Variants in LONP2 observed in about 807,000 individuals in gnomAD.
LONP2 encodes the protein lon protease homolog 2, peroxisomal.
In LONP2, 60 loss-of-function variants were observed where a neutral mutation model predicts 85.6. The ratio of observed to expected loss-of-function variants is 0.70; its 90% CI spans 0.57 to 0.87. LONP2 has a LOEUF of 0.87. Among genes scored for constraint, LONP2 ranks in the 40% least tolerant of loss-of-function variants. The pLI is 0.00. For synonymous variants in LONP2, 395 were observed against 389.7 expected (o/e 1.01, Z -0.16); for missense variants, 860 against 1,063.5 (o/e 0.81, Z 2.66).
At chr16:48,298,767 T>G (rs1972734096) in intron 9 of LONP2, among the ~76,000 whole-genome samples, 1 of 152,108 alleles carries the variant, frequency 6.6e-6, no homozygotes, top group Non-Finnish European at 1.5e-5. Context: ...TCTCTAAGAT[T>G]TGAGGTGTTT....
intron 9 of LONP2, among the ~76,000 whole-genome samples, chr16:48,298,978 C>A (rs938801066): frequency 1.3e-5 from 2 of 151,620 alleles, no homozygotes; most frequent in African/African-American, 4.9e-5. Context: ...GCAACCTCCA[C>A]CTCCCCAGCT....
intron 4 of LONP2, among the ~76,000 whole-genome samples, chr16:48,260,274 T>A (rs1756066566): frequency 6.6e-6 from 1 of 152,200 alleles, no homozygotes; most frequent in Non-Finnish European, 1.5e-5. Context: ...TATTTGAATG[T>A]ATTAAATAGA....
At chr16:48,329,845 A>G (rs1382588601) in intron 11 of LONP2, among the ~76,000 whole-genome samples, 1 of 152,234 alleles carries the variant, frequency 6.6e-6, no homozygotes, top group Non-Finnish European at 1.5e-5. Flanking sequence ...GGTTTACTTA[A>G]CCATGTTCCT....
Position 48,299,751 on chromosome 16 carries a change from C to G in LONP2, c.1624C>G (p.Gln542Glu). The G allele has an allele frequency of 6.2e-7, 1 of 1,614,022 alleles. No individual in the cohort carries two copies. ...EQHGLTPQQI[Q>E]IPQVTTLDII... Reference sequence around the variant, plus strand: ...ACATGGGCTGACTCCACAGCAGATTCAGATACCCCAGGTCACCACTCTTGA... The same window carrying G: ...ACATGGGCTGACTCCACAGCAGATTGAGATACCCCAGGTCACCACTCTTGA... Residue 542 changes from glutamine to glutamate, a missense_variant, in exon 10 of 15, where the codon CAG becomes GAG. Around this residue, in one of 3 missense-constraint regions of LONP2, gnomAD observed 743 missense variants for 917.3 expected, o/e 0.81. Coordinates refer to ENST00000285737, the MANE Select transcript of LONP2 (RefSeq NM_031490.5).
At chr16:48,279,169 CT>C (rs1231822016) in intron 8 of LONP2, among the ~76,000 whole-genome samples, 1 of 151,986 alleles carries the variant, frequency 6.6e-6, no homozygotes, top group African/African-American at 2.4e-5. Flanking sequence ...CTGCTTTTAT[CT>C]GTTTATTATA....
At chr16:48,302,466 T>A (rs1486524855) in intron 10 of LONP2, among the ~76,000 whole-genome samples, 1 of 152,206 alleles carries the variant, frequency 6.6e-6, no homozygotes, top group East Asian at 1.9e-4. Context: ...TCCATTCAGG[T>A]CCATCCAAAG....
At chr16:48,321,569 A>G (rs1030554266) in intron 11 of LONP2, among the ~76,000 whole-genome samples, 1 of 152,170 alleles carries the variant, frequency 6.6e-6, no homozygotes, top group African/African-American at 2.4e-5. Context: ...TCATTGTGGA[A>G]ACATCATAGA....
chr16:48,244,726 C>T, intron 1 of LONP2, 105 bp downstream of exon 1: 2 of 797,930 alleles, frequency 2.5e-6, no homozygotes, highest in Non-Finnish European at 3.5e-6. Flanking sequence ...TTCGGGGCGG[C>T]CTTCGCGGCT....
intron 8 of LONP2, among the ~76,000 whole-genome samples, chr16:48,294,212 A>G (rs1278476961): frequency 2.0e-5 from 3 of 152,154 alleles, no homozygotes; most frequent in Non-Finnish European, 4.4e-5. Context: ...AAGTACTTGG[A>G]TTACAGGTGT....
intron 12 of LONP2, among the ~76,000 whole-genome samples, chr16:48,341,352 G>A (rs1214699229): frequency 6.6e-6 from 1 of 152,110 alleles, no homozygotes; most frequent in Non-Finnish European, 1.5e-5. Flanking sequence ...AGCTTCTGGG[G>A]AGGCCTCAGG....
Position 48,354,880 on chromosome 16 carries a change from T to TTAGA in LONP2, c.*3081_*3082insATAG, listed in dbSNP as rs1397772593. On this transcript the variant is annotated 3_prime_UTR_variant, in exon 15 of 15. Transcript: ENST00000285737. ...TCCAACTTTTTATTATTTGCAACAG[T>TTAGA]TAGCTTTCTTTGTTTCACATCTCTG... The TTAGA allele has an allele frequency of 1.3e-5, 2 of 152,034 alleles. No individual in the cohort carries two copies. The highest frequency in any genetic ancestry group is 4.8e-5 in the African/African-American group (2 of 41,344). The allele number at this position is 152,034 out of a possible 1,614,324, so 9.4% of individuals were successfully genotyped here.
chr16:48,304,966 A>G (rs944574873), intron 11 of LONP2, among the ~76,000 whole-genome samples: 18 of 152,352 alleles, frequency 1.2e-4, no homozygotes, highest in Admixed American at 9.8e-4. Flanking sequence ...GAACAGACAC[A>G]GCCAAATGTC....
At chr16:48,320,159 CAAAAAAA>C (rs80118943) in intron 11 of LONP2, among the ~76,000 whole-genome samples, 1 of 56,708 alleles carries the variant, frequency 1.8e-5, no homozygotes, top group Admixed American at 2.1e-4. Context: ...GACTCTGTCT[CAAAAAAA>C]AAAAAAAAAA....
Position 48,296,115 on chromosome 16 carries a change from C to T in LONP2, c.1484C>T (p.Ala495Val). 6.2e-7 allele frequency: 1 copy of T among 1,614,160 alleles called. No homozygotes were observed. Among genetic ancestry groups the T allele is most frequent in the East Asian group, 2.2e-5 (1 of 44,868 alleles). The change falls in exon 9 of 15, where the codon GCT (alanine) becomes GTT (valine). Residue 495 changes from alanine to valine, a missense_variant. Ala to Val is a moderately conservative substitution (Grantham distance 64). This residue lies in a region of LONP2 where 743 missense variants were observed against 917.3 expected (regional missense o/e 0.81). Coordinates refer to ENST00000285737, the MANE Select transcript of LONP2 (RefSeq NM_031490.5). ...TTTATAGCTACTGCCAACACCACTGCTACCATTCCAGCTGCCTTGTTGGAC... is the reference window on the plus strand; with the variant it reads ...TTTATAGCTACTGCCAACACCACTGTTACCATTCCAGCTGCCTTGTTGGAC... ...VLFIATANTT[A>V]TIPAALLDRM...
In LONP2 at chr16:48,267,905, C is replaced by T. The variant is rs11859502; in HGVS notation, c.983-2111C>T. ...TGTTGGGATTACAGGTGTGAGCCAC[C>T]GAGCCTGGCCCCCCATTCATAATTT... On this transcript the variant is annotated intron_variant, in intron 6 of 14. Transcript: ENST00000285737. Among the ~76,000 whole-genome samples the T allele has an allele frequency of 3.4e-3, 521 of 152,256 alleles. 2 individuals carry two copies. Among genetic ancestry groups the T allele is most frequent in the African/African-American group, 0.012 (497 of 41,534 alleles).
intron 14 of LONP2, among the ~76,000 whole-genome samples, chr16:48,350,915 TTA>T: frequency 6.6e-6 from 1 of 152,268 alleles, no homozygotes; most frequent in Middle Eastern, 3.4e-3. Context: ...ACCTCAGACA[TTA>T]TGACTGGCCA....
intron 6 of LONP2, 109 bp downstream of exon 6, chr16:48,262,981 T>G: frequency 1.4e-6 from 1 of 715,032 alleles, no homozygotes; most frequent in East Asian, 2.8e-5. Context: ...TAAATTATTT[T>G]TGTTTTCAAT....
chr16:48,308,342 C>T (rs956991592), intron 11 of LONP2, among the ~76,000 whole-genome samples: 8 of 151,866 alleles, frequency 5.3e-5, no homozygotes, highest in South Asian at 2.1e-4. Flanking sequence ...AAAATCAACT[C>T]GAGGTTAGGC....
intron 12 of LONP2, among the ~76,000 whole-genome samples, chr16:48,337,459 T>A (rs555574691): frequency 6.6e-6 from 1 of 152,218 alleles, no homozygotes; most frequent in Admixed American, 6.5e-5. Context: ...TCAGTCATGG[T>A]TGTCTTTCCA....
Sources: allele counts gnomAD v4.1 joint callset (sites outside exome capture counted in the v4.1 genomes callset), GRCh38; gene constraint gnomAD v4.1.1; regional missense constraint gnomAD v4.1.1; transcripts MANE v1.5; gene names NCBI Gene and HGNC (gene_info 2026-07-23, HGNC 2026-07-21).